KALRN: variants seen among roughly 807,000 people sequenced by gnomAD.
The protein encoded by KALRN is kalirin RhoGEF kinase.
KALRN carries 70 observed loss-of-function variants against 353.7 expected under a neutral mutation model. That is an observed-to-expected ratio of 0.20 (90% confidence interval 0.16 to 0.24). KALRN has a LOEUF of 0.24. Ranked by LOEUF, KALRN falls within the 10% of genes least tolerant of loss-of-function variation. The probability of loss-of-function intolerance (pLI) is 1.00; values close to 1 mark genes in which losing one functional copy is unlikely to be tolerated. For synonymous variants in KALRN, 1,391 were observed against 1,434.8 expected, an observed-to-expected ratio of 0.97 and a Z score of 0.69; for missense variants, 2,791 against 3,756.7, an observed-to-expected ratio of 0.74 and a Z score of 6.72.
At chr3:124,550,748 G>T (rs2070398449) in intron 33 of KALRN, among the ~76,000 whole-genome samples, 1 of 152,124 alleles carries the variant, frequency 6.6e-6, no homozygotes, top group African/African-American at 2.4e-5. Flanking sequence ...CCAGCACTTT[G>T]GGAGGCCGAG....
chr3:124,246,514 T>A (rs1194862052), intron 3 of KALRN, among the ~76,000 whole-genome samples: 1 of 152,220 alleles, frequency 6.6e-6, no homozygotes, highest in Non-Finnish European at 1.5e-5. Context: ...GTGTTTCAGC[T>A]CCTTGGCTGG....
At chr3:124,597,506 T>G (rs556222946) in intron 34 of KALRN, among the ~76,000 whole-genome samples, 1 of 152,284 alleles carries the variant, frequency 6.6e-6, no homozygotes, top group East Asian at 1.9e-4. Context: ...CACTGCGTGC[T>G]AAAGAGCAGG....
chr3:124,660,695 A>T (rs1340239351), intron 43 of KALRN, among the ~76,000 whole-genome samples: 1 of 151,566 alleles, frequency 6.6e-6, no homozygotes, highest in Non-Finnish European at 1.5e-5. Flanking sequence ...AAAAAAAAAA[A>T]AAGGAAAGAA....
chr3:124,482,756 C>T (rs1204346166), intron 27 of KALRN, 52 bp from the exon 28 acceptor site: 4 of 1,207,468 alleles, frequency 3.3e-6, no homozygotes, highest in Non-Finnish European at 4.9e-6. Flanking sequence ...AGAGTTCACA[C>T]ACATGCACAC....
At chr3:124,296,247 G>T (rs1448757674) in intron 5 of KALRN, among the ~76,000 whole-genome samples, 4 of 152,110 alleles carry the variant, frequency 2.6e-5, no homozygotes, top group Non-Finnish European at 5.9e-5. Flanking sequence ...CCCAAACTCA[G>T]CACATCTAAA....
rs747087120 is a variant in KALRN, at chr3:124,227,663, G to GTTTTTTTTTT, written c.74-294_74-285dup. Among the ~76,000 whole-genome samples the GTTTTTTTTTT allele has an allele frequency of 1.2e-3, 81 of 69,266 alleles. 9 individuals are homozygous for GTTTTTTTTTT. Among genetic ancestry groups the GTTTTTTTTTT allele is most frequent in the Non-Finnish European group, 1.6e-3 (55 of 34,502 alleles). 45.4% of individuals were successfully genotyped at this position (69,266 alleles called of 152,430 possible). A position where few individuals can be genotyped will look rare whatever the true frequency, so the allele number is the denominator to read the frequency against. On this transcript the variant is annotated intron_variant, in intron 1 of 59. Transcript: ENST00000682506. ...CAAGTTGCTCAATAGCAACAGGGCT[G>GTTTTTTTTTT]TTTTTTTTTTTTTTTTTTTTTTTTT...
At chr3:124,181,665 G>T (rs2150210423) in intron 1 of KALRN, among the ~76,000 whole-genome samples, 2 of 152,324 alleles carry the variant, frequency 1.3e-5, no homozygotes, top group South Asian at 4.1e-4. Context: ...GGAGAACGTG[G>T]AGGGGAGGGA....
At chr3:124,641,015 C>G (rs374952448) in intron 37 of KALRN, among the ~76,000 whole-genome samples, 4 of 152,238 alleles carry the variant, frequency 2.6e-5, no homozygotes, top group East Asian at 3.9e-4. Flanking sequence ...CTTTAGAATT[C>G]GTTTGGCTCC....
chr3:124,399,068 C>CTATT (rs1312050075), intron 13 of KALRN, among the ~76,000 whole-genome samples, 197 bp downstream of exon 13: 2 of 152,170 alleles, frequency 1.3e-5, no homozygotes, highest in African/African-American at 4.8e-5. Context: ...CAGAGCCCCT[C>CTATT]TATTTTACTT....
At chr3:124,199,152 C>A (rs1296489845) in intron 1 of KALRN, among the ~76,000 whole-genome samples, 2 of 152,244 alleles carry the variant, frequency 1.3e-5, no homozygotes, top group African/African-American at 4.8e-5. Context: ...CAGGTTGGAG[C>A]ATTGATACTG....
intron 33 of KALRN, among the ~76,000 whole-genome samples, chr3:124,546,062 C>T (rs1409048046): frequency 2.6e-5 from 4 of 152,158 alleles, no homozygotes; most frequent in Non-Finnish European, 5.9e-5. Context: ...AAAGGGAAGG[C>T]ACTTAGCCAC....
At chr3:124,455,062 CCAGGTAGT>C in intron 21 of KALRN, 107 bp from the exon 22 acceptor site, 1 of 1,084,688 alleles carries the variant, frequency 9.2e-7, no homozygotes, top group Non-Finnish European at 1.3e-6. Context: ...GGATACATAC[CCAGGTAGT>C]CAGCTATGAG....
In KALRN at chr3:124,508,846, G is replaced by C. The variant is rs537467711; in HGVS notation, c.4935+12433G>C. ...ATTGTTAGACTTCAAAATTTTTACA[G>C]ATCTGGTGGATGTGTATTGATATCT... On this transcript the variant is annotated intron_variant, in intron 33 of 59. Transcript: ENST00000682506. Among the ~76,000 whole-genome samples the C allele has an allele frequency of 9.9e-5, 15 of 152,238 alleles. No individual in the cohort carries two copies. In the South Asian group the frequency reaches 3.1e-3, roughly 32 times the overall value.
At chr3:124,225,086 A>G (rs1457617796) in intron 1 of KALRN, among the ~76,000 whole-genome samples, 1 of 152,194 alleles carries the variant, frequency 6.6e-6, no homozygotes, top group Non-Finnish European at 1.5e-5. Flanking sequence ...GCATTCAATG[A>G]ACTTCTCCTT....
chr3:124,155,776 C>T (rs552273081), intron 1 of KALRN, among the ~76,000 whole-genome samples: 192 of 152,304 alleles, frequency 1.3e-3, no homozygotes, highest in African/African-American at 4.1e-3. Context: ...AAGGGAAAGG[C>T]TTTTCTGGAA....
At chr3:124,634,066 A>G (rs1452848110) in intron 36 of KALRN, 113 bp downstream of exon 36, 3 of 771,440 alleles carry the variant, frequency 3.9e-6, no homozygotes, top group African/African-American at 1.7e-5. Context: ...CGTCGTCCAC[A>G]TGAATCCATG....
chr3:124,292,293 C>T (rs1580592893), intron 5 of KALRN, among the ~76,000 whole-genome samples: 1 of 152,156 alleles, frequency 6.6e-6, no homozygotes, highest in East Asian at 1.9e-4. Flanking sequence ...ACCTTGCCCT[C>T]CTACTAAACT....
intron 44 of KALRN, 109 bp downstream of exon 44, chr3:124,661,082 C>G: frequency 1.2e-6 from 1 of 836,334 alleles, no homozygotes; most frequent in Non-Finnish European, 2.1e-6. Flanking sequence ...GTGGACCCCT[C>G]TCAGACAGTA....
At chr3:124,312,569 A>G (rs569270222) in intron 6 of KALRN, among the ~76,000 whole-genome samples, 1 of 152,380 alleles carries the variant, frequency 6.6e-6, no homozygotes, top group African/African-American at 2.4e-5. Flanking sequence ...GCTTGAAAAT[A>G]TAACCTTCCT....
Sources: allele counts gnomAD v4.1 joint callset (sites outside exome capture counted in the v4.1 genomes callset), GRCh38; gene constraint gnomAD v4.1.1; transcripts MANE v1.5; gene names NCBI Gene and HGNC (gene_info 2026-07-23, HGNC 2026-07-21).